Variants in TNK2 observed in about 807,000 individuals in gnomAD.
The protein encoded by TNK2 is tyrosine kinase non receptor 2, also known as activated CDC42 kinase 1.
In TNK2, 83 loss-of-function variants were observed where a neutral mutation model predicts 101.8. The observed-to-expected ratio is 0.82, with a 90% CI of 0.68 to 0.98. The LOEUF is 0.98. Ranked by LOEUF, TNK2 falls within the 50% of genes least tolerant of loss-of-function variation. The pLI is 0.00. For synonymous variants in TNK2, 804 were observed against 633.0 expected, an observed-to-expected ratio of 1.27 and a Z score of -4.06; for missense variants, 1,665 against 1,483.2, an observed-to-expected ratio of 1.12 and a Z score of -2.01.
intron 1 of TNK2, among the ~76,000 whole-genome samples, chr3:195,907,008 T>G (rs1761792666): frequency 6.6e-6 from 1 of 152,070 alleles, no homozygotes; most frequent in Admixed American, 6.5e-5. Flanking sequence ...GACATTATGT[T>G]GCCCAAGGAA....
chr3:195,901,387 T>C (rs908200209), intron 1 of TNK2, among the ~76,000 whole-genome samples: 3 of 152,090 alleles, frequency 2.0e-5, no homozygotes, highest in Non-Finnish European at 2.9e-5. Context: ...CCCTGCTTCA[T>C]TGGCAGACAC....
At chr3:195,876,876 G>T (rs1393972562) in intron 9 of TNK2, 1 of 353,700 alleles carries the variant, frequency 2.8e-6, no homozygotes, top group African/African-American at 2.1e-5. Context: ...CCAAACACAG[G>T]CCACTCTGAG....
chr3:195,880,654 A>C (rs532865936), intron 6 of TNK2, among the ~76,000 whole-genome samples: 102 of 85,630 alleles, frequency 1.2e-3, no homozygotes, highest in African/African-American at 5.2e-3. Context: ...GACACAGCAT[A>C]TATCCCTGTA....
rs376861650 is a variant in TNK2 at position 195,868,597 on chromosome 3, C to A, written c.1701G>T (p.Ser567=). The A allele has an allele frequency of 6.3e-7, 1 of 1,578,832 alleles. No individual in the cohort carries two copies. Among genetic ancestry groups the A allele is most frequent in the Non-Finnish European group, 8.5e-7 (1 of 1,171,704 alleles). ...LPRGLWLAKP[S]ARVPGTKASR... ...TGGCCTTGGTGCCCGGCACCCGCGC[C>A]GAGGGCTTCGCCAGCCACAGCCCTC... The change falls in exon 13 of 16, where the codon TCG becomes TCT. Residue 567 remains serine, a synonymous_variant. Coordinates refer to ENST00000672887, the MANE Select transcript of TNK2 (RefSeq NM_001382273.1).
At chr3:195,889,938 T>A (rs568209327) in intron 1 of TNK2, among the ~76,000 whole-genome samples, 2 of 152,090 alleles carry the variant, frequency 1.3e-5, no homozygotes, top group East Asian at 3.9e-4. Flanking sequence ...GGTGGCCTCC[T>A]CCCCAGCTCC....
At chr3:195,903,557 G>A (rs1761444078) in intron 1 of TNK2, among the ~76,000 whole-genome samples, 1 of 151,940 alleles carries the variant, frequency 6.6e-6, no homozygotes, top group Non-Finnish European at 1.5e-5. Context: ...TCTCTACTAA[G>A]GATACAAAAA....
rs139268974 is a variant in TNK2 at position 195,868,144 on chromosome 3, G to T, written c.2154C>A (p.Thr718=). The part of the protein sequence containing the change: ...GGGKPPSSAQ[T]AEIFQALQQE... ...GCTGTAGCGCCTGGAAGATCTCTGC[G>T]GTCTGTGCGGAGCTGGGCGGCTTGC... The change falls in exon 13 of 16, where the codon ACC becomes ACA. Residue 718 remains threonine (T), a synonymous_variant. Transcript: ENST00000672887. 6.2e-7 allele frequency: 1 copy of T among 1,611,462 alleles called. No homozygotes were observed. The highest frequency in any genetic ancestry group is 1.7e-5 in the Admixed American group (1 of 59,858).
At position 195,867,614 on chromosome 3, in the gene TNK2, T is replaced by C. The variant is rs202180187; in HGVS notation, c.2684A>G (p.Gln895Arg). 1 of 1,598,220 alleles carries C rather than the reference T, an allele frequency of 6.3e-7. No homozygotes were observed. The highest frequency in any genetic ancestry group is 8.5e-7 in the Non-Finnish European group (1 of 1,179,062). The change falls in exon 13 of 16, where the codon CAG (glutamine) becomes CGG (arginine). Residue 895 changes from glutamine to arginine, a missense_variant. Transcript: ENST00000672887. ...CAGGGGGGTAGGCTCCTCGGGGCTC[T>C]GGGCCTCACGCAGGAAGCGCTGGTA... ...ERYQRFLREA[Q>R]SPEEPTPLPV...
At chr3:195,892,676 G>A in intron 1 of TNK2, 1 of 1,359,584 alleles carries the variant, frequency 7.4e-7, no homozygotes, top group Admixed American at 3.4e-5. Flanking sequence ...CTGGCAGGGA[G>A]CAGAGCTTTC....
intron 6 of TNK2, among the ~76,000 whole-genome samples, chr3:195,881,815 G>C (rs1056342004): frequency 6.6e-6 from 1 of 151,962 alleles, no homozygotes; most frequent in East Asian, 1.9e-4. Context: ...AAGCCCCTTG[G>C]AGAGTCCCAC....
chr3:195,880,305 C>A (rs1751665843), intron 6 of TNK2, among the ~76,000 whole-genome samples: 2 of 152,252 alleles, frequency 1.3e-5, no homozygotes, highest in African/African-American at 2.4e-5. Flanking sequence ...ACATGCTTAC[C>A]AACGAGTCTT....
At chr3:195,864,530 A>T (rs1464166110) in intron 15 of TNK2, among the ~76,000 whole-genome samples, 2 of 149,292 alleles carry the variant, frequency 1.3e-5, no homozygotes, top group Admixed American at 1.3e-4. Context: ...ACCACCCCAG[A>T]CAGCGACAGA....
rs1416601356 is a variant in TNK2, at chr3:195,886,272, C to T, written c.234+705G>A. ...TGTTTCCAGGAAAAGCCAAAGGATC[C>T]CAAGAGACAGCCCCTTTGCCGGATT... On this transcript the variant is annotated intron_variant, in intron 3 of 15. Coordinates refer to ENST00000672887, the MANE Select transcript of TNK2 (RefSeq NM_001382273.1). This position sits in a 1 kb window ranked among gnomAD's most constrained non-coding sequence, Gnocchi z 4.2. 3 of 152,408 alleles carry T rather than the reference C, an allele frequency of 2.0e-5. No individual in the cohort carries two copies. The highest frequency in any genetic ancestry group is 3.9e-4 in the East Asian group (2 of 5,190). The allele number at this position is 152,408 out of a possible 1,614,324, so 9.4% of individuals were successfully genotyped here.
At chr3:195,865,783 G>A (rs1433720034) in intron 15 of TNK2, among the ~76,000 whole-genome samples, 1 of 150,748 alleles carries the variant, frequency 6.6e-6, no homozygotes, top group African/African-American at 2.4e-5. Context: ...AGACAGTATG[G>A]GACAGACAGG....
chr3:195,870,510 G>T, intron 10 of TNK2: 1 of 819,050 alleles, frequency 1.2e-6, no homozygotes, highest in Non-Finnish European at 1.7e-6. Flanking sequence ...ACACCAGGCA[G>T]CGGCCAGAGG....
chr3:195,868,340 A>T lies in TNK2; in HGVS notation c.1958T>A (p.Val653Glu). The T allele has an allele frequency of 2.5e-6, 4 of 1,600,600 alleles. No individual in the cohort carries two copies. The highest frequency in any genetic ancestry group is 3.4e-6 in the Non-Finnish European group (4 of 1,178,446). The stretch of plus-strand genomic sequence containing the variant: ...CTCAAAGTCATCCTCATCCTGGGCC[A>T]CGTCGTCATAGGCGGGCGGGGGGGG... ...PLPPPPAYDD[V>E]AQDEDDFEIC... Residue 653 changes from valine (V) to glutamate (E), a missense_variant, in exon 13 of 16, where the codon GTG (valine) becomes GAG (glutamate). Transcript: ENST00000672887.
intron 1 of TNK2, among the ~76,000 whole-genome samples, chr3:195,902,166 G>A (rs547371704): frequency 6.6e-6 from 1 of 152,242 alleles, no homozygotes; most frequent in African/African-American, 2.4e-5. Flanking sequence ...GTTGAGAGCT[G>A]ACCCAAGAAA....
At chr3:195,892,779 C>T (rs1413445204) in intron 1 of TNK2, 3 of 1,220,070 alleles carry the variant, frequency 2.5e-6, no homozygotes, top group Admixed American at 8.7e-5. Context: ...GGCTTCCCCA[C>T]CCAACTGCCC....
chr3:195,874,279 C>G (rs1025029707), intron 9 of TNK2, among the ~76,000 whole-genome samples: 1 of 152,246 alleles, frequency 6.6e-6, no homozygotes, highest in African/African-American at 2.4e-5. Flanking sequence ...CTGGCCTCTC[C>G]CTTCCGCCAA....
Sources: gnomAD v4.1 joint callset for allele counts (sites outside exome capture counted in the v4.1 genomes callset) on GRCh38, gnomAD v4.1.1 for gene constraint, Gnocchi (gnomAD v3.1) non-coding constraint, MANE v1.5 for transcripts, NCBI Gene and HGNC (gene_info 2026-07-23, HGNC 2026-07-21) for gene names.